The following NEO1 variants were observed in gnomAD, a reference collection of about 807,000 sequenced individuals.
NEO1 encodes neogenin 1, also known as neogenin.
Under a neutral mutation model 159.7 loss-of-function variants are expected in NEO1, and 63 were observed. That is an observed-to-expected ratio of 0.39 (90% CI 0.32 to 0.49). The LOEUF is 0.49. Among genes scored for constraint, NEO1 ranks in the 20% least tolerant of loss-of-function variants. NEO1 has a pLI of 0.85. For missense variants in NEO1, 1,615 were observed against 1,831.0 expected, an observed-to-expected ratio of 0.88 and a Z score of 2.15; for synonymous variants, 633 against 662.0, an observed-to-expected ratio of 0.96 and a Z score of 0.67.
rs1280658467 is a variant in NEO1 at position 73,116,697 on chromosome 15, A to G, written c.288A>G (p.Val96=). ...WKKDGTFLNL[V]SDDRRQLLPD... ...AAGATGGAACTTTTTTAAACTTAGTATCAGATGATCGACGCCAGCTTCTCC... is the reference window on the plus strand; with the variant it reads ...AAGATGGAACTTTTTTAAACTTAGTGTCAGATGATCGACGCCAGCTTCTCC... Residue 96 remains valine (V), a synonymous_variant, in exon 2 of 29, where the codon GTA becomes GTG. Transcript: ENST00000261908. 3 of 1,613,900 alleles carry G rather than the reference A, an allele frequency of 1.9e-6. No individual in the cohort carries two copies. Among genetic ancestry groups the G allele is most frequent in the Non-Finnish European group, 2.5e-6 (3 of 1,179,932 alleles).
chr15:73,265,825 G>A lies in NEO1; in HGVS notation c.2399-491G>A, dbSNP rs373610726. On this transcript the variant is annotated intron_variant, in intron 15 of 28. Coordinates refer to ENST00000261908, the MANE Select transcript of NEO1 (RefSeq NM_002499.4). ...TCATGAGGCATGATGGCTAGGTGAG[G>A]TTTGGCCATTTCTGGATTTGGAGGC... Among the ~76,000 whole-genome samples, 24 of 152,288 alleles carry A rather than the reference G, an allele frequency of 1.6e-4. No homozygotes were observed. In the East Asian group the frequency reaches 4.3e-3, roughly 27 times the overall value.
chr15:73,128,466 GCTTT>G (rs1308940181), intron 4 of NEO1, among the ~76,000 whole-genome samples: 2 of 152,048 alleles, frequency 1.3e-5, no homozygotes, highest in African/African-American at 4.8e-5. Flanking sequence ...TAAATGTGAG[GCTTT>G]CTATGATTCT....
Position 73,258,797 on chromosome 15 carries a change from A to G in NEO1, c.2124A>G (p.Arg708=). The change falls in exon 14 of 29, where the codon CGA becomes CGG. Residue 708 remains arginine, a synonymous_variant. Coordinates refer to ENST00000261908, the MANE Select transcript of NEO1 (RefSeq NM_002499.4). ...ATCGGGGGACTGAGTATAATTTCCG[A>G]GTGGCTGCTCTAACAATCAATGGTA... ...GLDRGTEYNF[R]VAALTINGTG... is the part of the protein sequence containing the mutation. The G allele has an allele frequency of 6.2e-7, 1 of 1,613,894 alleles. No individual in the cohort carries two copies. The highest frequency in any genetic ancestry group is 8.5e-7 in the Non-Finnish European group (1 of 1,179,890).
chr15:73,235,388 A>T (rs989500579), intron 7 of NEO1, among the ~76,000 whole-genome samples: 2 of 152,200 alleles, frequency 1.3e-5, no homozygotes, highest in African/African-American at 4.8e-5. Context: ...TAGGAATAAA[A>T]TTCTACTATC....
intron 8 of NEO1, among the ~76,000 whole-genome samples, chr15:73,241,656 C>T (rs1465320437): frequency 2.0e-5 from 3 of 152,170 alleles, no homozygotes; most frequent in Non-Finnish European, 1.5e-5. Context: ...TTTTCTTTCC[C>T]TTTTGATTCT....
At chr15:73,079,218 T>G (rs1318600502) in intron 1 of NEO1, among the ~76,000 whole-genome samples, 3 of 152,192 alleles carry the variant, frequency 2.0e-5, no homozygotes, top group Non-Finnish European at 4.4e-5. Flanking sequence ...AAGTTTGGCA[T>G]GTATTGTAGG....
intron 5 of NEO1, among the ~76,000 whole-genome samples, chr15:73,155,603 A>T (rs1229273850): frequency 1.3e-5 from 2 of 152,194 alleles, no homozygotes; most frequent in African/African-American, 4.8e-5. Context: ...CCCGTAATTC[A>T]CAAGTCCAGT....
intron 1 of NEO1, among the ~76,000 whole-genome samples, chr15:73,053,486 A>G (rs1322800398): frequency 1.3e-5 from 2 of 152,218 alleles, no homozygotes; most frequent in Admixed American, 6.5e-5. Flanking sequence ...GATTACAACT[A>G]TATTTACAGC....
At chr15:73,150,123 C>T (rs2151830838) in intron 5 of NEO1, among the ~76,000 whole-genome samples, 1 of 152,262 alleles carries the variant, frequency 6.6e-6, no homozygotes, top group Middle Eastern at 3.4e-3. Context: ...GCAGAATTTA[C>T]ATGGACTGAA....
chr15:73,180,681 C>A (rs930184597), intron 7 of NEO1, among the ~76,000 whole-genome samples: 4 of 152,142 alleles, frequency 2.6e-5, no homozygotes, highest in Admixed American at 6.5e-5. Context: ...CTAAACTAAT[C>A]CTAATTGGGC....
rs531635163 is a variant in NEO1, at chr15:73,178,765, T to C, written c.1291+338T>C. ...CTTTTTTTTCCAATTCTATACACTTTTATTAATACACTTACAAAAAATAAC... is the reference window on the plus strand; with the variant it reads ...CTTTTTTTTCCAATTCTATACACTTCTATTAATACACTTACAAAAAATAAC... On this transcript the variant is annotated intron_variant, in intron 7 of 28. Coordinates refer to ENST00000261908, the MANE Select transcript of NEO1 (RefSeq NM_002499.4). Among the ~76,000 whole-genome samples, 32 of 152,258 alleles carry C rather than the reference T, an allele frequency of 2.1e-4. 2 individuals are homozygous for C. In the South Asian group the frequency reaches 6.4e-3, roughly 31 times the overall value.
chr15:73,083,435 CATATAT>C (rs199521348), intron 1 of NEO1, among the ~76,000 whole-genome samples: 1 of 151,308 alleles, frequency 6.6e-6, no homozygotes, highest in African/African-American at 2.4e-5. Context: ...AAATATAAAA[CATATAT>C]ATATATAAAA....
intron 1 of NEO1, among the ~76,000 whole-genome samples, chr15:73,108,482 A>G (rs2070801131): frequency 6.6e-6 from 1 of 152,190 alleles, no homozygotes; most frequent in South Asian, 2.1e-4. Context: ...ATTAAGTACC[A>G]CTAATACTTA....
chr15:73,275,396 T>A (rs1304515415), intron 21 of NEO1, among the ~76,000 whole-genome samples: 2 of 152,154 alleles, frequency 1.3e-5, no homozygotes. Flanking sequence ...AGGCCTGTAA[T>A]CCCAGCACTT....
At chr15:73,245,885 C>T (rs2039767426) in intron 9 of NEO1, among the ~76,000 whole-genome samples, 1 of 151,982 alleles carries the variant, frequency 6.6e-6, no homozygotes, top group South Asian at 2.1e-4. Context: ...CCGGCCACCT[C>T]AGTGTATTCT....
At position 73,254,849 on chromosome 15, in the gene NEO1, G is replaced by T. The variant is rs750198305; in HGVS notation, c.2092+20G>T. The T allele has an allele frequency of 1.2e-6, 2 of 1,607,148 alleles. No homozygotes were observed. Among genetic ancestry groups the T allele is most frequent in the South Asian group, 1.1e-5 (1 of 89,776 alleles). On this transcript the variant is annotated intron_variant, in intron 13 of 28. Transcript: ENST00000261908. The stretch of plus-strand genomic sequence containing the variant: ...TTGAAGGTAAGCTACCGTGCACAAA[G>T]GCAAAAGGTACACTGTGTCTTTCTC...
rs2039169786 is a variant in NEO1 at position 73,236,335 on chromosome 15, C to G, written c.1292-12C>G. The G allele has an allele frequency of 6.2e-7, 1 of 1,614,074 alleles. No individual in the cohort carries two copies. Among genetic ancestry groups the G allele is most frequent in the Non-Finnish European group, 8.5e-7 (1 of 1,180,030 alleles). Reference sequence around the variant, plus strand: ...CCCACTTCACTGACCAGTGCCACTACTGACCATCTAGCACCAGCCACAACG... The same window carrying G: ...CCCACTTCACTGACCAGTGCCACTAGTGACCATCTAGCACCAGCCACAACG... On this transcript the variant is annotated splice_polypyrimidine_tract_variant and intron_variant, in intron 7 of 28. Coordinates refer to ENST00000261908, the MANE Select transcript of NEO1 (RefSeq NM_002499.4).
intron 7 of NEO1, among the ~76,000 whole-genome samples, chr15:73,179,357 T>C (rs1179428087): frequency 2.0e-5 from 3 of 152,146 alleles, no homozygotes; most frequent in African/African-American, 7.2e-5. Flanking sequence ...GGTGTAACCA[T>C]GGTTTACTGG....
intron 8 of NEO1, among the ~76,000 whole-genome samples, chr15:73,240,268 T>C (rs950808878): frequency 6.6e-6 from 1 of 152,192 alleles, no homozygotes; most frequent in Non-Finnish European, 1.5e-5. Flanking sequence ...TTATTTAAAT[T>C]TTATGATAGA....
Sources: allele counts gnomAD v4.1 joint callset (sites outside exome capture counted in the v4.1 genomes callset), GRCh38; gene constraint gnomAD v4.1.1; transcripts MANE v1.5; gene names NCBI Gene and HGNC (gene_info 2026-07-23, HGNC 2026-07-21).